IGF2BP3: variants seen among roughly 807,000 people sequenced by gnomAD.
IGF2BP3 encodes insulin-like growth factor 2 mRNA-binding protein 3.
Under a neutral mutation model 73.8 loss-of-function variants are expected in IGF2BP3, and 9 were observed. The observed-to-expected ratio is 0.12, with a 90% CI of 0.07 to 0.21. The LOEUF (loss-of-function observed/expected upper bound fraction) is 0.21, where lower values mean the gene tolerates loss of function less well. IGF2BP3 is among the 10% of genes least tolerant of loss of function. The pLI, the probability that IGF2BP3 is intolerant of heterozygous loss-of-function variation, is 1.00. For missense variants in IGF2BP3, 542 were observed against 714.0 expected, an observed-to-expected ratio of 0.76 and a Z score of 2.75; for synonymous variants, 258 against 256.7, an observed-to-expected ratio of 1.01 and a Z score of -0.05.
chr7:23,397,551 C>G (rs1388372497), intron 3 of IGF2BP3, among the ~76,000 whole-genome samples: 15 of 152,196 alleles, frequency 9.9e-5, no homozygotes, highest in Admixed American at 9.8e-4. Context: ...CCTTCAACAC[C>G]TAACTGGCCT....
intron 3 of IGF2BP3, among the ~76,000 whole-genome samples, chr7:23,391,469 G>A (rs971619354): frequency 1.3e-5 from 2 of 152,122 alleles, no homozygotes; most frequent in Non-Finnish European, 2.9e-5. Context: ...TGACACTCTC[G>A]CTTTCCACGG....
chr7:23,363,797 A>G (rs1306900735), intron 3 of IGF2BP3, among the ~76,000 whole-genome samples: 1 of 152,232 alleles, frequency 6.6e-6, no homozygotes, highest in Non-Finnish European at 1.5e-5. Context: ...TCTTATAGGA[A>G]GAGTACTCTG....
chr7:23,371,202 T>C (rs1394628948), intron 3 of IGF2BP3, among the ~76,000 whole-genome samples: 1 of 151,698 alleles, frequency 6.6e-6, no homozygotes, highest in East Asian at 1.9e-4. Context: ...AAAGCCAATG[T>C]CAGTCATTGG....
chr7:23,428,824 A>C lies in IGF2BP3; in HGVS notation c.237-10000T>G, dbSNP rs1355591248. Among the ~76,000 whole-genome samples, 6 of 151,124 alleles carry C rather than the reference A, an allele frequency of 4.0e-5. No individual in the cohort carries two copies. The East Asian group carries it at 1.2e-3, about 29-fold the overall frequency. ...TTGCCCAAAGACAATCAAATATTTC[A>C]TTCCTTCAGTATCATTATTAATTCA... is the stretch of plus-strand genomic sequence containing the variant. On this transcript the variant is annotated intron_variant, in intron 2 of 14. Transcript: ENST00000258729.
At chr7:23,445,984 A>G (rs1788055613) in intron 2 of IGF2BP3, among the ~76,000 whole-genome samples, 1 of 152,212 alleles carries the variant, frequency 6.6e-6, no homozygotes, top group South Asian at 2.1e-4. Flanking sequence ...AAACAAATTA[A>G]AAGAAAAAAT....
chr7:23,433,800 C>T (rs951964573), intron 2 of IGF2BP3, among the ~76,000 whole-genome samples: 4 of 152,128 alleles, frequency 2.6e-5, no homozygotes, highest in Non-Finnish European at 5.9e-5. Flanking sequence ...TTAGGCCGGG[C>T]ACAGTGGCTT....
intron 2 of IGF2BP3, among the ~76,000 whole-genome samples, chr7:23,457,420 G>A (rs368862471): frequency 5.9e-5 from 9 of 151,864 alleles, no homozygotes; most frequent in Admixed American, 1.3e-4. Flanking sequence ...AGCAGAGATC[G>A]CGCCACTGCA....
At chr7:23,334,730 A>G (rs1784528071) in intron 10 of IGF2BP3, among the ~76,000 whole-genome samples, 1 of 152,220 alleles carries the variant, frequency 6.6e-6, no homozygotes, top group Non-Finnish European at 1.5e-5. Flanking sequence ...ATAACAGAAG[A>G]ACAAAGCTGC....
At chr7:23,461,392 A>G (rs1159725162) in intron 2 of IGF2BP3, among the ~76,000 whole-genome samples, 1 of 152,138 alleles carries the variant, frequency 6.6e-6, no homozygotes, top group Admixed American at 6.5e-5. Flanking sequence ...CCAAATTGAT[A>G]TATCTGCCTA....
At chr7:23,463,999 C>T (rs183413716) in intron 2 of IGF2BP3, among the ~76,000 whole-genome samples, 465 of 152,244 alleles carry the variant, frequency 3.1e-3, no homozygotes, top group South Asian at 6.6e-3. Flanking sequence ...GAAACTTTCC[C>T]GAATCGCAAG....
At chr7:23,386,781 C>A (rs1349382809) in intron 3 of IGF2BP3, among the ~76,000 whole-genome samples, 1 of 151,638 alleles carries the variant, frequency 6.6e-6, no homozygotes, top group African/African-American at 2.4e-5. Flanking sequence ...AGGTTAACAT[C>A]AGTGGGCTGG....
At chr7:23,378,785 G>A (rs1036559553) in intron 3 of IGF2BP3, among the ~76,000 whole-genome samples, 3 of 151,902 alleles carry the variant, frequency 2.0e-5, no homozygotes, top group African/African-American at 7.3e-5. Flanking sequence ...TGTTGGCCAG[G>A]ATGGTCTCAA....
intron 2 of IGF2BP3, among the ~76,000 whole-genome samples, chr7:23,424,374 T>A (rs1159439740): frequency 6.6e-6 from 1 of 151,854 alleles, no homozygotes; most frequent in African/African-American, 2.4e-5. Context: ...GGCAGGCACC[T>A]GTAATCTCAG....
rs117333076 is a variant in IGF2BP3 at position 23,338,157 on chromosome 7, T to G, written c.1203+3907A>C. 1.7e-3 allele frequency among the ~76,000 whole-genome samples: 262 copies of G among 152,086 alleles called. 1 individual carries two copies. Among genetic ancestry groups the G allele is most frequent in the Non-Finnish European group, 3.1e-3 (211 of 67,992 alleles). Reference sequence around the variant, plus strand: ...TTTTTGGCATGATATTTCCTACGAGTTGGGATGGCAGGTGGTCCAGAGAGA... The same window carrying G: ...TTTTTGGCATGATATTTCCTACGAGGTGGGATGGCAGGTGGTCCAGAGAGA... On this transcript the variant is annotated intron_variant, in intron 10 of 14. Coordinates refer to ENST00000258729, the MANE Select transcript of IGF2BP3 (RefSeq NM_006547.3).
chr7:23,447,701 AG>A, intron 2 of IGF2BP3, among the ~76,000 whole-genome samples: 1 of 152,278 alleles, frequency 6.6e-6, no homozygotes, highest in East Asian at 1.9e-4. Context: ...GGCTGGGCAT[AG>A]GGACTCACAC....
At chr7:23,315,149 A>C (rs1181155813) in intron 12 of IGF2BP3, among the ~76,000 whole-genome samples, 1 of 150,128 alleles carries the variant, frequency 6.7e-6, no homozygotes, top group African/African-American at 2.5e-5. Flanking sequence ...TTTTAGAGAC[A>C]GAGTCTCTTT....
intron 3 of IGF2BP3, among the ~76,000 whole-genome samples, chr7:23,412,489 C>A (rs1280866477): frequency 1.3e-5 from 2 of 152,172 alleles, no homozygotes; most frequent in Non-Finnish European, 2.9e-5. Flanking sequence ...ATCACGTATT[C>A]AAATCTTTGC....
intron 3 of IGF2BP3, among the ~76,000 whole-genome samples, chr7:23,409,841 T>C (rs550498950): frequency 2.0e-5 from 3 of 152,334 alleles, no homozygotes; most frequent in Non-Finnish European, 2.9e-5. Flanking sequence ...TAAAATGAGA[T>C]TGGCACAAAT....
intron 5 of IGF2BP3, among the ~76,000 whole-genome samples, chr7:23,358,943 C>G (rs1032153818): frequency 2.0e-5 from 3 of 152,316 alleles, no homozygotes; most frequent in Admixed American, 1.3e-4. Flanking sequence ...TTCTTATTGG[C>G]AACTTTTGGT....
Sources: allele counts gnomAD v4.1 joint callset (sites outside exome capture counted in the v4.1 genomes callset), GRCh38; gene constraint gnomAD v4.1.1; transcripts MANE v1.5; gene names NCBI Gene and HGNC (gene_info 2026-07-23, HGNC 2026-07-21).